Variants in MDN1 observed in about 807,000 individuals in gnomAD.
MDN1 encodes the protein midasin AAA ATPase 1, also known as midasin.
MDN1 carries 266 observed loss-of-function variants against 669.2 expected under a neutral mutation model. The observed-to-expected ratio is 0.40, with a 90% confidence interval of 0.36 to 0.44. MDN1 has a LOEUF of 0.44. Among genes scored for constraint, MDN1 ranks in the 20% least tolerant of loss-of-function variants. The pLI, the probability that MDN1 is intolerant of heterozygous loss-of-function variation, is 1.00. For missense variants in MDN1, 5,940 were observed against 6,754.0 expected (o/e 0.88, Z 4.22); for synonymous variants, 2,385 against 2,457.1 (o/e 0.97, Z 0.87).
At chr6:89,813,100 C>T (rs992930675) in intron 1 of MDN1, among the ~76,000 whole-genome samples, 1 of 152,164 alleles carries the variant, frequency 6.6e-6, no homozygotes, top group African/African-American at 2.4e-5. Flanking sequence ...GCCACCACGC[C>T]CGGCTAATTT....
In MDN1 at chr6:89,789,788, A is replaced by G; in HGVS notation, c.1222T>C (p.Leu408=). The stretch of plus-strand genomic sequence containing the variant: ...TTCCTGAGATGACATACCACGTCTA[A>G]GGGGGCATAGTCAATATCCTCCAGA... The part of the protein sequence containing the change: ...ILLEDIDYAP[L]DVVSVLIPLL... The change falls in exon 7 of 102, where the codon TTA becomes CTA. Residue 408 remains leucine (L), a synonymous_variant. Coordinates refer to ENST00000369393, the MANE Select transcript of MDN1 (RefSeq NM_014611.3). 1.9e-6 allele frequency: 3 copies of G among 1,607,812 alleles called. No individual in the cohort carries two copies. The highest frequency in any genetic ancestry group is 2.5e-6 in the Non-Finnish European group (3 of 1,177,824).
chr6:89,733,659 G>A (rs1815742514), intron 33 of MDN1, among the ~76,000 whole-genome samples: 1 of 149,412 alleles, frequency 6.7e-6, no homozygotes, highest in Non-Finnish European at 1.5e-5. Context: ...TTTAAAAAGA[G>A]CTTAAAATGA....
At chr6:89,650,303 A>G in intron 96 of MDN1, 105 bp from the exon 97 acceptor site, 1 of 1,023,092 alleles carries the variant, frequency 9.8e-7, no homozygotes, top group Non-Finnish European at 1.4e-6. Flanking sequence ...ATAGCAAGTA[A>G]CTAGGAACCT....
rs1554188772 is a variant in MDN1 at position 89,734,691 on chromosome 6, A to AAGAGAGAGAGAG, written c.4724-1928_4724-1917dup. ...AGAAGAAAAAAAAAAAAAAAAAAAC[A>AAGAGAGAGAGAG]AGAGAGAGAGAGAGAGAGAGAGAGA... On this transcript the variant is annotated intron_variant, in intron 33 of 101. Transcript: ENST00000369393. Among the ~76,000 whole-genome samples, 19 of 112,974 alleles carry AAGAGAGAGAGAG rather than the reference A, an allele frequency of 1.7e-4. 2 individuals carry two copies. The highest frequency in any genetic ancestry group is 0.011 in the Middle Eastern group (2 of 188). The allele number at this position is 112,974 out of a possible 152,430, so 74.1% of individuals were successfully genotyped here.
intron 65 of MDN1, among the ~76,000 whole-genome samples, chr6:89,689,185 G>A (rs955364209): frequency 1.3e-5 from 2 of 152,174 alleles, no homozygotes; most frequent in Non-Finnish European, 2.9e-5. Context: ...AACTAATTGG[G>A]ACTAATGAAT....
At chr6:89,740,445 C>T (rs1361431540) in intron 31 of MDN1, 67 bp from the exon 32 acceptor site, 4 of 1,417,110 alleles carry the variant, frequency 2.8e-6, no homozygotes, top group South Asian at 2.7e-5. Context: ...ATCTTCAATG[C>T]TCTTTAAAAG....
intron 44 of MDN1, 99 bp downstream of exon 44, chr6:89,716,551 C>T (rs9342205): frequency 0.84 from 1,140,630 of 1,354,840 alleles, 481,447 homozygotes; most frequent in East Asian, 1. Context: ...TTAAGAAAAA[C>T]AGTAGCTTCA....
At chr6:89,743,416 G>A (rs991778280) in intron 30 of MDN1, 136 bp from the exon 31 acceptor site, 8 of 1,365,394 alleles carry the variant, frequency 5.9e-6, no homozygotes, top group Non-Finnish European at 7.1e-6. Context: ...GATAGAACTT[G>A]CACACCAGAA....
At chr6:89,653,435 G>A (rs534135077) in intron 93 of MDN1, among the ~76,000 whole-genome samples, 29 of 152,314 alleles carry the variant, frequency 1.9e-4, no homozygotes, top group Non-Finnish European at 3.1e-4. Flanking sequence ...TTGTAAAACT[G>A]TATGATTCTT....
chr6:89,769,671 C>G (rs901124462), intron 15 of MDN1, among the ~76,000 whole-genome samples: 1 of 152,186 alleles, frequency 6.6e-6, no homozygotes. Context: ...CAAGGAAAAA[C>G]AGATATATTC....
At chr6:89,652,861 A>C in intron 94 of MDN1, 131 bp downstream of exon 94, 1 of 937,994 alleles carries the variant, frequency 1.1e-6, no homozygotes, top group Non-Finnish European at 1.6e-6. Flanking sequence ...AATTTTGAAT[A>C]AGAACATGAA....
chr6:89,790,138 A>C (rs1278314600), intron 6 of MDN1, 21 bp downstream of exon 6: 2 of 1,613,518 alleles, frequency 1.2e-6, no homozygotes, highest in African/African-American at 1.3e-5. Context: ...AAGCCACCAA[A>C]ACTTAACATT....
intron 15 of MDN1, among the ~76,000 whole-genome samples, chr6:89,769,073 C>T (rs1396313751): frequency 2.6e-5 from 4 of 151,898 alleles, no homozygotes; most frequent in Admixed American, 1.3e-4. Context: ...AAAAAAGATC[C>T]GAATTTGCAA....
chr6:89,723,659 C>T, intron 38 of MDN1, 40 bp from the exon 39 acceptor site: 1 of 1,230,326 alleles, frequency 8.1e-7, no homozygotes, highest in Non-Finnish European at 1.1e-6. Flanking sequence ...GCCTTTGTTT[C>T]TCTTTACCAA....
Position 89,687,375 on chromosome 6 carries a change from T to A in MDN1, c.11419A>T (p.Met3807Leu), listed in dbSNP as rs1158579430. Residue 3807 changes from methionine to leucine, a missense_variant, in exon 68 of 102, where the codon ATG becomes TTG. By Grantham distance (15) the Met-to-Leu change is conservative. Around this residue, in one of 5 missense-constraint regions of MDN1, gnomAD observed 2,280 missense variants for 2,576.3 expected, o/e 0.88. Coordinates refer to ENST00000369393, the MANE Select transcript of MDN1 (RefSeq NM_014611.3). ...LRKHLDLISQMIIRWRKLELN... is the reference protein window; with the variant it reads ...LRKHLDLISQLIIRWRKLELN... ...TCCAGTTTACGCCACCGAATGATCA[T>A]CTGACTGATCAAATCAAGATGTTTC... 6.2e-7 allele frequency: 1 copy of A among 1,614,130 alleles called. No homozygotes were observed. The highest frequency in any genetic ancestry group is 8.5e-7 in the Non-Finnish European group (1 of 1,179,994).
intron 19 of MDN1, among the ~76,000 whole-genome samples, chr6:89,757,721 A>T (rs1458003015): frequency 6.6e-6 from 1 of 152,098 alleles, no homozygotes; most frequent in Non-Finnish European, 1.5e-5. Context: ...CAGCCTAGGC[A>T]ACATGGCGAA....
intron 9 of MDN1, among the ~76,000 whole-genome samples, chr6:89,783,014 C>T (rs148002838): frequency 0.15 from 22,191 of 152,066 alleles, 1,890 homozygotes; most frequent in Non-Finnish European, 0.19. Context: ...ACTGTGTTAA[C>T]TGTACAAATT....
In MDN1 at chr6:89,648,312, C is replaced by T. The variant is rs776733911; in HGVS notation, c.16224G>A (p.Leu5408=). Residue 5408 remains leucine (L), a synonymous_variant, in exon 98 of 102, where the codon TTG becomes TTA. Coordinates refer to ENST00000369393, the MANE Select transcript of MDN1 (RefSeq NM_014611.3). ...NHTKQLAFES[L]AVIGNALTLL... Reference sequence around the variant, plus strand: ...GGGTTAGAGCATTTCCAATCACAGCCAAAGATTCAAATGCAAGCTGTGAAT... The same window carrying T: ...GGGTTAGAGCATTTCCAATCACAGCTAAAGATTCAAATGCAAGCTGTGAAT... The T allele has an allele frequency of 4.3e-6, 7 of 1,613,946 alleles. No homozygotes were observed. The highest frequency in any genetic ancestry group is 4.0e-5 in the African/African-American group (3 of 74,926).
intron 6 of MDN1, 21 bp from the exon 7 acceptor site, chr6:89,789,932 A>G (rs1819162779): frequency 6.2e-7 from 1 of 1,606,076 alleles, no homozygotes; most frequent in African/African-American, 1.3e-5. Context: ...AAGATAAAGT[A>G]ATTACTGAAA....
Sources: gnomAD v4.1 joint callset for allele counts (sites outside exome capture counted in the v4.1 genomes callset) on GRCh38, gnomAD v4.1.1 for gene constraint, gnomAD v4.1.1 regional missense constraint, MANE v1.5 for transcripts, NCBI Gene and HGNC (gene_info 2026-07-23, HGNC 2026-07-21) for gene names.